TSPAN5: variants seen among roughly 807,000 people sequenced by gnomAD.
TSPAN5 encodes the protein tetraspanin-5.
Under a neutral mutation model 37.1 loss-of-function variants are expected in TSPAN5, and 10 were observed. The observed-to-expected ratio is 0.27, with a 90% CI of 0.17 to 0.46. TSPAN5 has a LOEUF of 0.46. Among genes scored for constraint, TSPAN5 ranks in the 20% least tolerant of loss-of-function variants. The pLI is 1.00. For synonymous variants in TSPAN5, 110 were observed against 118.9 expected (o/e 0.93, Z 0.48); for missense variants, 195 against 326.6 (o/e 0.60, Z 3.11).
At chr4:98,562,924 T>C (rs1468660219) in intron 1 of TSPAN5, among the ~76,000 whole-genome samples, 3 of 152,122 alleles carry the variant, frequency 2.0e-5, no homozygotes, top group Non-Finnish European at 4.4e-5. Flanking sequence ...GTAGCTTACA[T>C]AGGCATGATG....
chr4:98,484,477 G>A, intron 3 of TSPAN5: 1 of 455,872 alleles, frequency 2.2e-6, no homozygotes, highest in Non-Finnish European at 4.4e-6. Flanking sequence ...TATTTTCCAA[G>A]TCTTAAAAGC....
chr4:98,538,206 C>T (rs1046285067), intron 1 of TSPAN5, among the ~76,000 whole-genome samples: 1 of 152,216 alleles, frequency 6.6e-6, no homozygotes, highest in African/African-American at 2.4e-5. Flanking sequence ...TATGTAGTTG[C>T]TCCACTTTAG....
chr4:98,621,364 C>CTTTTT (rs59414794), intron 1 of TSPAN5, among the ~76,000 whole-genome samples: 1 of 102,656 alleles, frequency 9.7e-6, no homozygotes, highest in Non-Finnish European at 1.8e-5. Context: ...CAATATGTCA[C>CTTTTT]TTTTTTTTTT....
intron 2 of TSPAN5, among the ~76,000 whole-genome samples, chr4:98,489,409 G>C (rs530769897): frequency 1.3e-5 from 2 of 152,194 alleles, no homozygotes; most frequent in Non-Finnish European, 2.9e-5. Flanking sequence ...AGAGCACAGG[G>C]GGAGGGACAA....
At chr4:98,535,497 A>T (rs574003834) in intron 1 of TSPAN5, among the ~76,000 whole-genome samples, 2 of 152,226 alleles carry the variant, frequency 1.3e-5, no homozygotes, top group East Asian at 3.9e-4. Context: ...GGTGAATCTG[A>T]AGATTATGTG....
chr4:98,515,808 A>C (rs1158154702), intron 1 of TSPAN5, among the ~76,000 whole-genome samples: 1 of 151,746 alleles, frequency 6.6e-6, no homozygotes, highest in Admixed American at 6.6e-5. Context: ...AAACTAACAC[A>C]CTCTAGTCAG....
At chr4:98,526,282 T>G (rs10004753) in intron 1 of TSPAN5, among the ~76,000 whole-genome samples, 85,402 of 152,070 alleles carry the variant, frequency 0.56, 24,697 homozygotes, top group African/African-American at 0.69. Context: ...CCTAATGTCA[T>G]TCTTTTTCAC....
intron 2 of TSPAN5, among the ~76,000 whole-genome samples, chr4:98,499,024 G>A (rs533100318): frequency 2.0e-5 from 3 of 152,324 alleles, no homozygotes; most frequent in Admixed American, 6.5e-5. Flanking sequence ...ACCTCAGAGG[G>A]CAGAGCTCAG....
At chr4:98,569,302 A>G (rs1329841984) in intron 1 of TSPAN5, among the ~76,000 whole-genome samples, 1 of 152,144 alleles carries the variant, frequency 6.6e-6, no homozygotes, top group African/African-American at 2.4e-5. Context: ...GGTTTTATAT[A>G]TCCACTTCCT....
intron 1 of TSPAN5, among the ~76,000 whole-genome samples, chr4:98,590,487 G>T (rs969116380): frequency 1.3e-5 from 2 of 152,068 alleles, no homozygotes; most frequent in Admixed American, 6.5e-5. Flanking sequence ...GAGGTGGGCA[G>T]ATCACGAGGT....
intron 1 of TSPAN5, among the ~76,000 whole-genome samples, chr4:98,562,227 A>G (rs1361785085): frequency 6.6e-6 from 1 of 152,216 alleles, no homozygotes; most frequent in Non-Finnish European, 1.5e-5. Flanking sequence ...TGTGTTTTAC[A>G]AGAGCATTCT....
chr4:98,504,989 A>C (rs1347514493), intron 2 of TSPAN5, among the ~76,000 whole-genome samples: 3 of 152,174 alleles, frequency 2.0e-5, no homozygotes, highest in Non-Finnish European at 4.4e-5. Context: ...CTTACCTGGC[A>C]GACAGAGAAA....
chr4:98,549,658 G>A (rs1310060481), intron 1 of TSPAN5, among the ~76,000 whole-genome samples: 2 of 151,940 alleles, frequency 1.3e-5, no homozygotes, highest in African/African-American at 2.4e-5. Flanking sequence ...TTTTTTTCAT[G>A]TTTGTTGGCC....
chr4:98,519,053 G>A (rs1753798902), intron 1 of TSPAN5, among the ~76,000 whole-genome samples: 1 of 152,210 alleles, frequency 6.6e-6, no homozygotes. Context: ...CAGGTAGCAA[G>A]ACAAATTGGG....
intron 1 of TSPAN5, among the ~76,000 whole-genome samples, chr4:98,526,146 A>T (rs1753956548): frequency 6.6e-6 from 1 of 152,214 alleles, no homozygotes. Context: ...GGGTCTCATC[A>T]GAAAGGAGGC....
At chr4:98,538,294 T>C (rs1325557508) in intron 1 of TSPAN5, among the ~76,000 whole-genome samples, 1 of 152,206 alleles carries the variant, frequency 6.6e-6, no homozygotes, top group Non-Finnish European at 1.5e-5. Context: ...TGCTCCTCAC[T>C]CTTGGCCATC....
rs1156334933 is a variant in TSPAN5 at position 98,515,382 on chromosome 4, GC to G, written c.82-7655del. ...AGTATTGTCATTAATATCAGTTCCTGCCCCCCTCCTGACACATTTCTCAACC... is the reference window on the plus strand; with the variant it reads ...AGTATTGTCATTAATATCAGTTCCTGCCCCCTCCTGACACATTTCTCAACC... On this transcript the variant is annotated intron_variant, in intron 1 of 7. Coordinates refer to ENST00000305798, the MANE Select transcript of TSPAN5 (RefSeq NM_005723.4). Among the ~76,000 whole-genome samples, 4 of 152,060 alleles carry G rather than the reference GC, an allele frequency of 2.6e-5. No homozygotes were observed. The East Asian group carries it at 7.7e-4, about 29-fold the overall frequency.
At chr4:98,654,090 T>A (rs1180903466) in intron 1 of TSPAN5, among the ~76,000 whole-genome samples, 1 of 152,206 alleles carries the variant, frequency 6.6e-6, no homozygotes, top group Non-Finnish European at 1.5e-5. Flanking sequence ...CCAGCAAGCA[T>A]CAGCTTCCAG....
At chr4:98,646,993 T>C (rs1256687220) in intron 1 of TSPAN5, among the ~76,000 whole-genome samples, 1 of 152,158 alleles carries the variant, frequency 6.6e-6, no homozygotes, top group Non-Finnish European at 1.5e-5. Flanking sequence ...AGGGGAGACT[T>C]AACTGCAAGG....
Sources: gnomAD v4.1 joint callset for allele counts (sites outside exome capture counted in the v4.1 genomes callset) on GRCh38, gnomAD v4.1.1 for gene constraint, MANE v1.5 for transcripts, NCBI Gene and HGNC (gene_info 2026-07-23, HGNC 2026-07-21) for gene names.